Variants in RALY observed in about 807,000 individuals in gnomAD.
RALY encodes the protein RNA-binding protein Raly.
RALY carries 15 observed loss-of-function variants against 30.7 expected under a neutral mutation model. The ratio of observed to expected loss-of-function variants is 0.49; its 90% CI spans 0.33 to 0.75. RALY has a LOEUF of 0.75. Ranked by LOEUF, RALY falls within the 30% of genes least tolerant of loss-of-function variation. RALY has a pLI of 0.02. For missense variants in RALY, 339 were observed against 414.3 expected (o/e 0.82, Z 1.58); for synonymous variants, 177 against 170.8 (o/e 1.04, Z -0.28).
intron 2 of RALY, among the ~76,000 whole-genome samples, chr20:34,040,144 C>T (rs73090639): frequency 0.022 from 3,317 of 151,978 alleles, 66 homozygotes; most frequent in Non-Finnish European, 0.033. Context: ...ATAATAGATT[C>T]AGCACACAGA....
intron 2 of RALY, among the ~76,000 whole-genome samples, chr20:34,049,436 G>C (rs183954932): frequency 2.0e-5 from 3 of 152,290 alleles, no homozygotes; most frequent in Admixed American, 2.0e-4. Flanking sequence ...TCAGAGATCT[G>C]TCAGTTTAAT....
chr20:34,044,409 C>G (rs2032806268), intron 2 of RALY, among the ~76,000 whole-genome samples: 1 of 152,028 alleles, frequency 6.6e-6, no homozygotes, highest in Non-Finnish European at 1.5e-5. Context: ...TCACTGCAAC[C>G]TCCTAGGTTC....
intron 2 of RALY, among the ~76,000 whole-genome samples, chr20:34,048,277 C>T (rs1454986072): frequency 6.6e-6 from 1 of 152,148 alleles, no homozygotes; most frequent in Non-Finnish European, 1.5e-5. Context: ...CTGGGAGGCT[C>T]CTGACAGCAG....
rs892531562 is a variant in RALY, at chr20:34,082,995, C to T, written c.*3090C>T. The T allele has an allele frequency of 8.5e-5, 13 of 152,196 alleles. No homozygotes were observed. The highest frequency in any genetic ancestry group is 3.1e-4 in the African/African-American group (13 of 41,440). The allele number at this position is 152,196 out of a possible 1,614,324, so 9.4% of individuals were successfully genotyped here. ...GAGCTAAGAGGCCTGGGACTTTCCCCCTGTTGCTGCCAGCCAGGTTGATGA... is the reference window on the plus strand; with the variant it reads ...GAGCTAAGAGGCCTGGGACTTTCCCTCTGTTGCTGCCAGCCAGGTTGATGA... On this transcript the variant is annotated 3_prime_UTR_variant, in exon 10 of 10. Coordinates refer to ENST00000246194, the MANE Select transcript of RALY (RefSeq NM_016732.3).
intron 2 of RALY, among the ~76,000 whole-genome samples, chr20:34,052,268 T>G (rs1261185090): frequency 6.6e-6 from 1 of 152,224 alleles, no homozygotes; most frequent in Non-Finnish European, 1.5e-5. Flanking sequence ...TCTTCTTATT[T>G]AACCTTGGAG....
At chr20:34,070,180 G>A (rs1354580935) in intron 2 of RALY, among the ~76,000 whole-genome samples, 4 of 152,224 alleles carry the variant, frequency 2.6e-5, no homozygotes, top group African/African-American at 9.6e-5. Context: ...GCAGACTGAT[G>A]AAAGTTTTTA....
At chr20:33,994,915 T>C (rs1431025408) in intron 1 of RALY, among the ~76,000 whole-genome samples, 3 of 152,230 alleles carry the variant, frequency 2.0e-5, no homozygotes, top group Non-Finnish European at 4.4e-5. Context: ...TGGTTTATCC[T>C]CATTTACAAA....
chr20:34,037,277 A>G (rs1358126226), intron 2 of RALY, among the ~76,000 whole-genome samples: 3 of 152,194 alleles, frequency 2.0e-5, no homozygotes, highest in Non-Finnish European at 4.4e-5. Context: ...CCAAATCAGC[A>G]CTGGGCAGGC....
At chr20:33,994,565 G>A (rs1005789079) in intron 1 of RALY, among the ~76,000 whole-genome samples, 11 of 152,228 alleles carry the variant, frequency 7.2e-5, no homozygotes, top group African/African-American at 2.7e-4. Flanking sequence ...CTCCTAACCC[G>A]GACTGGGTCT....
chr20:34,020,704 G>C (rs1249318865), intron 1 of RALY, among the ~76,000 whole-genome samples: 1 of 152,220 alleles, frequency 6.6e-6, no homozygotes, highest in Non-Finnish European at 1.5e-5. Flanking sequence ...TGGCAGAGTT[G>C]AATACCACGC....
At chr20:34,061,169 C>A (rs1433120874) in intron 2 of RALY, among the ~76,000 whole-genome samples, 1 of 152,164 alleles carries the variant, frequency 6.6e-6, no homozygotes, top group Non-Finnish European at 1.5e-5. Context: ...TACCCCCAGG[C>A]TTCAGGAAAG....
chr20:34,070,585 G>T (rs1487851935), intron 2 of RALY, among the ~76,000 whole-genome samples: 4 of 152,202 alleles, frequency 2.6e-5, no homozygotes, highest in African/African-American at 9.7e-5. Context: ...CTGACTTTCT[G>T]TGGTATCTAA....
chr20:34,010,395 T>C (rs970155317), intron 1 of RALY, among the ~76,000 whole-genome samples: 4 of 152,042 alleles, frequency 2.6e-5, no homozygotes, highest in Non-Finnish European at 5.9e-5. Context: ...TGTCCTGTTG[T>C]TTTTATTTTT....
intron 2 of RALY, among the ~76,000 whole-genome samples, chr20:34,043,361 A>G (rs2032767428): frequency 1.3e-5 from 2 of 152,192 alleles, no homozygotes; most frequent in African/African-American, 2.4e-5. Flanking sequence ...GTCTCTGAAC[A>G]TGTTTTGTCC....
chr20:34,017,989 G>A (rs2031672470), intron 1 of RALY, among the ~76,000 whole-genome samples: 1 of 152,190 alleles, frequency 6.6e-6, no homozygotes, highest in Non-Finnish European at 1.5e-5. Context: ...TTCTCCTAGG[G>A]GATGTAATTA....
intron 1 of RALY, among the ~76,000 whole-genome samples, chr20:34,027,652 T>C (rs1178753114): frequency 6.6e-6 from 1 of 152,244 alleles, no homozygotes; most frequent in Non-Finnish European, 1.5e-5. Context: ...CTCAATCATC[T>C]GTGCATCCTC....
intron 2 of RALY, among the ~76,000 whole-genome samples, chr20:34,066,330 T>C (rs950522089): frequency 6.6e-6 from 1 of 152,022 alleles, no homozygotes; most frequent in African/African-American, 2.4e-5. Context: ...AATACAAAAA[T>C]TAGCTGGCTG....
intron 2 of RALY, among the ~76,000 whole-genome samples, chr20:34,063,380 C>T (rs2033472826): frequency 6.6e-6 from 1 of 152,150 alleles, no homozygotes; most frequent in African/African-American, 2.4e-5. Flanking sequence ...GGGAATAACA[C>T]AGGCTTTAGA....
intron 2 of RALY, among the ~76,000 whole-genome samples, chr20:34,064,491 G>T (rs2033511391): frequency 1.3e-5 from 2 of 152,168 alleles, no homozygotes; most frequent in African/African-American, 4.8e-5. Flanking sequence ...AACCCCTCTT[G>T]GCTGGTGGTT....
Sources: allele counts gnomAD v4.1 joint callset (sites outside exome capture counted in the v4.1 genomes callset), GRCh38; gene constraint gnomAD v4.1.1; transcripts MANE v1.5; gene names NCBI Gene and HGNC (gene_info 2026-07-23, HGNC 2026-07-21).